The following TMEM68 variants were observed in gnomAD, a reference collection of about 807,000 sequenced individuals.
TMEM68 encodes the protein DGAT1/2-independent enzyme synthesizing storage lipids.
TMEM68 carries 25 observed loss-of-function variants against 36.9 expected under a neutral mutation model. The observed-to-expected ratio is 0.68, with a 90% CI of 0.49 to 0.95. The LOEUF is 0.95. Ranked by LOEUF, TMEM68 falls within the 40% of genes least tolerant of loss-of-function variation. The pLI is 0.00. For missense variants in TMEM68, 333 were observed against 392.0 expected (o/e 0.85, Z 1.27); for synonymous variants, 131 against 124.4 (o/e 1.05, Z -0.35).
At chr8:55,750,517 A>G (rs1810398123) in intron 5 of TMEM68, among the ~76,000 whole-genome samples, 1 of 151,246 alleles carries the variant, frequency 6.6e-6, no homozygotes, top group African/African-American at 2.4e-5. Flanking sequence ...GTAAAAGAAC[A>G]AAATGACATT....
chr8:55,770,348 G>C lies in TMEM68; in HGVS notation c.-115+2921C>G, dbSNP rs11776980. Among the ~76,000 whole-genome samples, 1,444 of 152,228 alleles carry C rather than the reference G, an allele frequency of 9.5e-3. 20 individuals carry two copies. Among genetic ancestry groups the C allele is most frequent in the East Asian group, 0.071 (365 of 5,168 alleles). ...CCCTTCCCCCTGAATTTACCTGGGG[G>C]TGTAACTGACTTCTTATCACTTTAT... On this transcript the variant is annotated intron_variant, in intron 1 of 7. Transcript: ENST00000434581.
At chr8:55,771,912 CT>C (rs891532861) in intron 1 of TMEM68, among the ~76,000 whole-genome samples, 2 of 152,154 alleles carry the variant, frequency 1.3e-5, no homozygotes, top group Non-Finnish European at 2.9e-5. Flanking sequence ...AGCTTTAATA[CT>C]TTTTTTATTT....
At chr8:55,768,959 T>A (rs1382632613) in intron 1 of TMEM68, among the ~76,000 whole-genome samples, 1 of 139,174 alleles carries the variant, frequency 7.2e-6, no homozygotes, top group Non-Finnish European at 1.5e-5. Context: ...GAAGCTGCAG[T>A]GAGTAATGAT....
intron 5 of TMEM68, among the ~76,000 whole-genome samples, chr8:55,750,060 C>G (rs1810386371): frequency 1.3e-5 from 2 of 152,074 alleles, no homozygotes; most frequent in African/African-American, 4.8e-5. Flanking sequence ...TCATCTTTAT[C>G]TTAAACTTTT....
At chr8:55,754,587 CAT>C (rs1431968251) in intron 4 of TMEM68, among the ~76,000 whole-genome samples, 1 of 129,896 alleles carries the variant, frequency 7.7e-6, no homozygotes, top group African/African-American at 2.9e-5. Flanking sequence ...ATATAAAATA[CAT>C]ATATTATGTA....
chr8:55,742,422 A>G (rs1223284775), intron 7 of TMEM68, among the ~76,000 whole-genome samples: 1 of 152,230 alleles, frequency 6.6e-6, no homozygotes, highest in African/African-American at 2.4e-5. Flanking sequence ...GTTTTACCAT[A>G]TTATGTGTTT....
chr8:55,754,684 ATAT>A (rs1046153349), intron 4 of TMEM68, among the ~76,000 whole-genome samples: 2 of 130,172 alleles, frequency 1.5e-5, no homozygotes, highest in Admixed American at 1.8e-4. Context: ...TATGTAATAT[ATAT>A]TATATATGAA....
rs912703544 is a variant in TMEM68 at position 55,754,474 on chromosome 8, C to T, written c.493+1770G>A. ...ATATATATATATATATATACACACA[C>T]ACACACACACACACACACATACATA... is the stretch of plus-strand genomic sequence containing the variant. On this transcript the variant is annotated intron_variant, in intron 4 of 7. Coordinates refer to ENST00000434581, the MANE Select transcript of TMEM68 (RefSeq NM_001286657.2). Among the ~76,000 whole-genome samples the T allele has an allele frequency of 7.4e-3, 824 of 110,872 alleles. 14 individuals carry two copies. The highest frequency in any genetic ancestry group is 0.026 in the African/African-American group (670 of 25,900). 72.7% of individuals were successfully genotyped at this position (110,872 alleles called of 152,430 possible).
At position 55,756,271 on chromosome 8, in the gene TMEM68, C is replaced by CAG. The variant is rs1563433420; in HGVS notation, c.465_466insCT (p.Ala156LeufsTer33). Reference sequence around the variant, plus strand: ...GGAATTTTAAAGACAAAGTGATCAGCTACTACTCGGCAAGTTCTGCCTTTG... The same window carrying CAG: ...GGAATTTTAAAGACAAAGTGATCAGCAGTACTACTCGGCAAGTTCTGCCTTTG... On this transcript the variant is annotated frameshift_variant, in exon 4 of 8. Coordinates refer to ENST00000434581, the MANE Select transcript of TMEM68 (RefSeq NM_001286657.2). LOFTEE classifies it high-confidence loss of function. 6.2e-7 allele frequency: 1 copy of CAG among 1,602,666 alleles called. No individual in the cohort carries two copies. The highest frequency in any genetic ancestry group is 8.5e-7 in the Non-Finnish European group (1 of 1,177,194).
chr8:55,769,241 T>C (rs1404846897), intron 1 of TMEM68, among the ~76,000 whole-genome samples: 2 of 141,718 alleles, frequency 1.4e-5, no homozygotes, highest in African/African-American at 5.3e-5. Flanking sequence ...TAGAATTGCT[T>C]GAACCCGGGA....
intron 1 of TMEM68, among the ~76,000 whole-genome samples, chr8:55,769,558 G>A (rs953406077): frequency 1.3e-4 from 19 of 151,952 alleles, no homozygotes; most frequent in Admixed American, 9.9e-4. Context: ...GAAAACATAC[G>A]AAAAACACTT....
In TMEM68 at chr8:55,751,201, G is replaced by A. The variant is rs146197064; in HGVS notation, c.494-44C>T. The A allele has an allele frequency of 4.4e-5, 66 of 1,507,236 alleles. No individual in the cohort carries two copies. The African/African-American group carries it at 7.4e-4, about 17-fold the overall frequency. 93.4% of individuals were successfully genotyped at this position (1,507,236 alleles called of 1,614,324 possible). A position where few individuals can be genotyped will look rare whatever the true frequency, so the allele number is the denominator to read the frequency against. On this transcript the variant is annotated intron_variant, in intron 4 of 7. Transcript: ENST00000434581. ...TGAAGTTACAACATAAGTATTTCTT[G>A]TTTAATTCTTCAAAAGAAAAATCTT...
At chr8:55,759,632 T>C (rs1318547232) in intron 3 of TMEM68, among the ~76,000 whole-genome samples, 1 of 151,848 alleles carries the variant, frequency 6.6e-6, no homozygotes, top group Non-Finnish European at 1.5e-5. Flanking sequence ...ACAGGAAAAA[T>C]TATTAGTGAC....
intron 5 of TMEM68, among the ~76,000 whole-genome samples, chr8:55,748,960 G>A (rs1810359424): frequency 6.6e-6 from 1 of 152,164 alleles, no homozygotes; most frequent in Non-Finnish European, 1.5e-5. Flanking sequence ...AAATGTGGGA[G>A]ACATTGTGAA....
At position 55,773,374 on chromosome 8, in the gene TMEM68, C is replaced by A. The variant is rs13276393; in HGVS notation, c.-220G>T. The A allele has an allele frequency of 0.87, 352,618 of 405,546 alleles. 154,025 individuals are homozygous for A. The highest frequency in any genetic ancestry group is 1 in the East Asian group (23,984 of 24,088). The allele number at this position is 405,546 out of a possible 1,614,324, so 25.1% of individuals were successfully genotyped here. A position where few individuals can be genotyped will look rare whatever the true frequency, so the allele number is the denominator to read the frequency against. ...AACCCGTGTGAAAGAAGCCAAGCGG[C>A]GGCTGCAGCCCGGGCCGCGATGGGG... On this transcript the variant is annotated 5_prime_UTR_variant, in exon 1 of 8. Transcript: ENST00000434581.
At chr8:55,773,135 C>A (rs16922219) in intron 1 of TMEM68, 134 bp downstream of exon 1, 2,164 of 152,522 alleles carry the variant, frequency 0.014, 43 homozygotes, top group African/African-American at 0.05. Flanking sequence ...GATTCCGAGG[C>A]GGCTCCTGGG....
intron 1 of TMEM68, among the ~76,000 whole-genome samples, chr8:55,766,845 G>A (rs1415920810): frequency 1.3e-5 from 2 of 152,150 alleles, no homozygotes; most frequent in Admixed American, 6.5e-5. Context: ...ACATACATGT[G>A]GCAGAGGGAA....
chr8:55,745,712 T>A (rs1280978354), intron 5 of TMEM68: 1 of 151,616 alleles, frequency 6.6e-6, no homozygotes, highest in Non-Finnish European at 1.5e-5. Context: ...TCGGGGGGAG[T>A]TGGGGACAGA....
chr8:55,757,388 T>C (rs74606380), intron 3 of TMEM68, among the ~76,000 whole-genome samples: 5,153 of 152,254 alleles, frequency 0.034, 166 homozygotes, highest in African/African-American at 0.082. Context: ...GTATTGAATG[T>C]AGAATCTCTG....
Sources: allele counts gnomAD v4.1 joint callset (sites outside exome capture counted in the v4.1 genomes callset), GRCh38; gene constraint gnomAD v4.1.1; transcripts MANE v1.5; gene names NCBI Gene and HGNC (gene_info 2026-07-23, HGNC 2026-07-21).